The following DNAH11 variants were observed in gnomAD, a reference collection of about 807,000 sequenced individuals.
DNAH11 encodes axonemal beta dynein heavy chain 11.
Under a neutral mutation model 526.0 loss-of-function variants are expected in DNAH11, and 442 were observed. The ratio of observed to expected loss-of-function variants is 0.84; its 90% CI spans 0.78 to 0.91. The LOEUF (loss-of-function observed/expected upper bound fraction) is 0.91, where lower values mean the gene tolerates loss of function less well. Ranked by LOEUF, DNAH11 falls within the 40% of genes least tolerant of loss-of-function variation. The probability of loss-of-function intolerance (pLI) is 0.00; values close to 1 mark genes in which losing one functional copy is unlikely to be tolerated. For missense variants in DNAH11, 6,989 were observed against 5,448.7 expected (o/e 1.28, Z -8.90); for synonymous variants, 2,461 against 1,935.9 (o/e 1.27, Z -7.12).
intron 65 of DNAH11, among the ~76,000 whole-genome samples, chr7:21,835,111 T>A (rs762485921): frequency 5.3e-5 from 8 of 151,500 alleles, no homozygotes; most frequent in Non-Finnish European, 1.2e-4. Flanking sequence ...TGAGGTTGAA[T>A]CAATAGTCAA....
At chr7:21,808,559 T>C (rs1174899255) in intron 63 of DNAH11, among the ~76,000 whole-genome samples, 5 of 152,166 alleles carry the variant, frequency 3.3e-5, no homozygotes, top group Non-Finnish European at 7.4e-5. Flanking sequence ...TCCCTCTGGT[T>C]CTCTGGTAAC....
chr7:21,585,322 C>T (rs753931979), intron 9 of DNAH11, among the ~76,000 whole-genome samples: 33 of 152,132 alleles, frequency 2.2e-4, no homozygotes, highest in Middle Eastern at 3.4e-3. Flanking sequence ...TAAACTGCTG[C>T]AAGTGTAATG....
At chr7:21,560,344 G>A (rs998025019) in intron 4 of DNAH11, among the ~76,000 whole-genome samples, 2 of 152,150 alleles carry the variant, frequency 1.3e-5, no homozygotes, top group African/African-American at 4.8e-5. Context: ...ATGAAAGGGA[G>A]TTGATTAAGG....
rs779187934 is a variant in DNAH11 at position 21,735,878 on chromosome 7, G to A, written c.7645+34G>A. The A allele has an allele frequency of 5.2e-6, 8 of 1,548,058 alleles. No homozygotes were observed. In the East Asian group the frequency reaches 1.4e-4, roughly 26 times the overall value. The stretch of plus-strand genomic sequence containing the variant: ...ACCTGTTTATTTTCTAGAAACAAGG[G>A]ATCAAAAATCATCAAGGCGGGCACA... On this transcript the variant is annotated intron_variant, in intron 46 of 81. Coordinates refer to ENST00000409508, the MANE Select transcript of DNAH11 (RefSeq NM_001277115.2).
At chr7:21,625,887 G>A (rs1008263700) in intron 25 of DNAH11, among the ~76,000 whole-genome samples, 6 of 151,998 alleles carry the variant, frequency 3.9e-5, no homozygotes, top group Admixed American at 2.0e-4. Context: ...ATCTTCTTAA[G>A]TTTTTAGCTA....
chr7:21,836,057 C>T (rs562521127), intron 65 of DNAH11, among the ~76,000 whole-genome samples: 2 of 151,876 alleles, frequency 1.3e-5, no homozygotes, highest in Non-Finnish European at 2.9e-5. Context: ...GGTGAAAAAT[C>T]CTTACAAAGA....
intron 25 of DNAH11, among the ~76,000 whole-genome samples, chr7:21,620,833 T>G (rs535257640): frequency 2.0e-5 from 3 of 150,732 alleles, no homozygotes; most frequent in East Asian, 2.0e-4. Context: ...TTTGTTCTTG[T>G]GATAGTTTAC....
Position 21,610,403 on chromosome 7 carries a change from A to T in DNAH11, c.3852+3670A>T, listed in dbSNP as rs376201478. On this transcript the variant is annotated intron_variant, in intron 20 of 81. Transcript: ENST00000409508. ...TTGAAATGGTTACAAGTATCTTCCT[A>T]GTAACTAGTAGAAGCAAACCTAAAT... is the stretch of plus-strand genomic sequence containing the variant. 2.2e-3 allele frequency among the ~76,000 whole-genome samples: 328 copies of T among 152,336 alleles called. 4 individuals carry two copies. The highest frequency in any genetic ancestry group is 7.6e-3 in the African/African-American group (315 of 41,576).
At chr7:21,838,344 T>C (rs11975573) in intron 65 of DNAH11, among the ~76,000 whole-genome samples, 12,456 of 152,254 alleles carry the variant, frequency 0.082, 1,691 homozygotes, top group African/African-American at 0.28. Context: ...TGATTTGACC[T>C]CTGATAATTG....
intron 61 of DNAH11, among the ~76,000 whole-genome samples, chr7:21,800,312 C>G (rs957728691): frequency 6.6e-6 from 1 of 152,162 alleles, no homozygotes; most frequent in African/African-American, 2.4e-5. Context: ...TGGATTATCT[C>G]TGAGTTTCAG....
At chr7:21,717,093 C>G (rs1216967557) in intron 42 of DNAH11, among the ~76,000 whole-genome samples, 1 of 152,128 alleles carries the variant, frequency 6.6e-6, no homozygotes, top group East Asian at 1.9e-4. Context: ...GCCCTGTAGA[C>G]TACTATAGGT....
At position 21,599,930 on chromosome 7, in the gene DNAH11, A is replaced by G. The variant is rs375017028; in HGVS notation, c.2811A>G (p.Gln937=). The G allele has an allele frequency of 1.4e-5, 23 of 1,608,894 alleles. No individual in the cohort carries two copies. The highest frequency in any genetic ancestry group is 1.3e-4 in the African/African-American group (10 of 74,706). ...TCTTTCTGAAGAATACAGAGAAACA[A>G]TTGAAACCGGCACCGTTTTTTCAAG... The part of the protein sequence containing the change: ...LDFFLKNTEK[Q]LKPAPFFQAQ... The change falls in exon 15 of 82, where the codon CAA becomes CAG. Residue 937 remains glutamine, a synonymous_variant. Coordinates refer to ENST00000409508, the MANE Select transcript of DNAH11 (RefSeq NM_001277115.2).
intron 73 of DNAH11, among the ~76,000 whole-genome samples, chr7:21,871,063 T>C (rs964601305): frequency 1.3e-5 from 2 of 152,232 alleles, no homozygotes; most frequent in Non-Finnish European, 2.9e-5. Flanking sequence ...GATATGTATG[T>C]ACATGTTAAT....
At chr7:21,663,799 A>G (rs1325744223) in intron 30 of DNAH11, among the ~76,000 whole-genome samples, 2 of 145,514 alleles carry the variant, frequency 1.4e-5, no homozygotes, top group African/African-American at 2.5e-5. Flanking sequence ...CATTGTGTAT[A>G]TTTGCCATAT....
intron 63 of DNAH11, among the ~76,000 whole-genome samples, chr7:21,814,112 A>G (rs1789659942): frequency 6.6e-6 from 1 of 152,176 alleles, no homozygotes. Context: ...AATGGTAAGT[A>G]TTTGTGCATC....
chr7:21,630,677 G>A (rs562776872), intron 25 of DNAH11, among the ~76,000 whole-genome samples: 1 of 152,152 alleles, frequency 6.6e-6, no homozygotes, highest in African/African-American at 2.4e-5. Flanking sequence ...TATTCTTTCT[G>A]TTGAGATGTC....
chr7:21,563,717 A>G (rs1346112732), intron 5 of DNAH11, among the ~76,000 whole-genome samples: 2 of 152,148 alleles, frequency 1.3e-5, no homozygotes, highest in South Asian at 2.1e-4. Context: ...ATTTTTCTCA[A>G]TCATTGCATG....
intron 28 of DNAH11, among the ~76,000 whole-genome samples, chr7:21,647,936 A>G (rs1426257165): frequency 1.3e-5 from 2 of 152,226 alleles, no homozygotes; most frequent in African/African-American, 4.8e-5. Context: ...GGAAGATGAC[A>G]CTAGATGGAA....
At chr7:21,626,816 T>A (rs1786361412) in intron 25 of DNAH11, among the ~76,000 whole-genome samples, 1 of 147,780 alleles carries the variant, frequency 6.8e-6, no homozygotes, top group Non-Finnish European at 1.5e-5. Context: ...AGTGGCGTGA[T>A]CTCGGCTCAC....
Sources: allele counts gnomAD v4.1 joint callset (sites outside exome capture counted in the v4.1 genomes callset), GRCh38; gene constraint gnomAD v4.1.1; transcripts MANE v1.5; gene names NCBI Gene and HGNC (gene_info 2026-07-23, HGNC 2026-07-21).